RFX7: variants seen among roughly 807,000 people sequenced by gnomAD.
RFX7 encodes regulatory factor X7, also known as DNA-binding protein RFX7.
Under a neutral mutation model 111.8 loss-of-function variants are expected in RFX7, and 26 were observed. The observed-to-expected ratio is 0.23, with a 90% CI of 0.17 to 0.32. The LOEUF is 0.32. Among genes scored for constraint, RFX7 ranks in the 10% least tolerant of loss-of-function variants. The probability of loss-of-function intolerance (pLI) is 1.00; values close to 1 mark genes in which losing one functional copy is unlikely to be tolerated. For missense variants in RFX7, 1,573 were observed against 1,772.9 expected (o/e 0.89, Z 2.02); for synonymous variants, 624 against 624.4 (o/e 1.00, Z 0.01).
At chr15:56,234,835 T>C (rs1488813826) in intron 2 of RFX7, among the ~76,000 whole-genome samples, 1 of 152,230 alleles carries the variant, frequency 6.6e-6, no homozygotes. Flanking sequence ...CAACTTTACA[T>C]ATTAGAAAAT....
At chr15:56,152,552 A>C (rs951974202) in intron 3 of RFX7, among the ~76,000 whole-genome samples, 1 of 152,238 alleles carries the variant, frequency 6.6e-6, no homozygotes, top group Non-Finnish European at 1.5e-5. Flanking sequence ...CATTTAAAGC[A>C]GTGTTTAGAG....
intron 2 of RFX7, among the ~76,000 whole-genome samples, chr15:56,188,310 G>A (rs1169693670): frequency 6.6e-6 from 1 of 152,052 alleles, no homozygotes; most frequent in Non-Finnish European, 1.5e-5. Context: ...GAAATTTAAA[G>A]TGCAATATCA....
intron 5 of RFX7, among the ~76,000 whole-genome samples, chr15:56,140,775 A>T (rs1360484286): frequency 6.6e-6 from 1 of 152,254 alleles, no homozygotes; most frequent in East Asian, 1.9e-4. Flanking sequence ...TTAGAAAAAA[A>T]ATCATAAGAA....
chr15:56,243,068 C>CCT, intron 2 of RFX7, 57 bp downstream of exon 2: 3 of 1,245,080 alleles, frequency 2.4e-6, no homozygotes, highest in Admixed American at 2.2e-5. Flanking sequence ...CCCCCACCCA[C>CCT]TTTGCAGCAG....
At chr15:56,224,728 T>A (rs2043463948) in intron 2 of RFX7, among the ~76,000 whole-genome samples, 3 of 152,106 alleles carry the variant, frequency 2.0e-5, no homozygotes, top group South Asian at 4.1e-4. Context: ...AACTTCTATT[T>A]TCACTTGTTT....
chr15:56,117,348 G>T (rs2042021648), intron 5 of RFX7, among the ~76,000 whole-genome samples: 1 of 152,022 alleles, frequency 6.6e-6, no homozygotes, highest in African/African-American at 2.4e-5. Context: ...TCATGTAGAG[G>T]AAAGAATATG....
At chr15:56,159,724 T>C (rs767197302) in intron 3 of RFX7, among the ~76,000 whole-genome samples, 16 of 152,206 alleles carry the variant, frequency 1.1e-4, no homozygotes, top group Admixed American at 4.6e-4. Flanking sequence ...TCGGTGTTCC[T>C]GTTTGCTCCG....
chr15:56,121,754 C>CA (rs1192870412), intron 5 of RFX7, among the ~76,000 whole-genome samples: 2 of 151,962 alleles, frequency 1.3e-5, no homozygotes, highest in Non-Finnish European at 2.9e-5. Flanking sequence ...TGTGTATGTT[C>CA]AAATAACCTG....
At chr15:56,117,028 G>C (rs547637869) in intron 5 of RFX7, among the ~76,000 whole-genome samples, 2 of 152,288 alleles carry the variant, frequency 1.3e-5, no homozygotes, top group African/African-American at 4.8e-5. Context: ...CTGGTAAAGA[G>C]AGTGAGTGTA....
intron 3 of RFX7, among the ~76,000 whole-genome samples, chr15:56,167,096 T>A (rs963547376): frequency 6.6e-6 from 1 of 151,686 alleles, no homozygotes; most frequent in Non-Finnish European, 1.5e-5. Context: ...AGGCCAGGAG[T>A]TGATTCAAGA....
In RFX7 at chr15:56,088,133, A is replaced by G; in HGVS notation, c.*5212T>C. On this transcript the variant is annotated 3_prime_UTR_variant, in exon 10 of 10. Transcript: ENST00000559447. ...TAAATAAAGAACTCCACAAAAATCAAACTCAATTCTAAATTTAAAACCAGA... is the reference window on the plus strand; with the variant it reads ...TAAATAAAGAACTCCACAAAAATCAGACTCAATTCTAAATTTAAAACCAGA... 1.0e-5 allele frequency: 2 copies of G among 193,286 alleles called. No homozygotes were observed. Among genetic ancestry groups the G allele is most frequent in the South Asian group, 1.6e-4 (2 of 12,812 alleles). 12.0% of individuals were successfully genotyped at this position (193,286 alleles called of 1,614,324 possible).
chr15:56,163,792 A>G (rs2042752466), intron 3 of RFX7, among the ~76,000 whole-genome samples: 1 of 152,220 alleles, frequency 6.6e-6, no homozygotes, highest in Admixed American at 6.5e-5. Flanking sequence ...TGGCAGCTAA[A>G]GCAGGAACTG....
rs2041617856 is a variant in RFX7, at chr15:56,093,096, A to G, written c.*249T>C. The G allele has an allele frequency of 9.7e-6, 4 of 410,816 alleles. No homozygotes were observed. Among genetic ancestry groups the G allele is most frequent in the South Asian group, 6.1e-5 (1 of 16,400 alleles). 25.4% of individuals were successfully genotyped at this position (410,816 alleles called of 1,614,324 possible). On this transcript the variant is annotated 3_prime_UTR_variant, in exon 10 of 10. Coordinates refer to ENST00000559447, the MANE Select transcript of RFX7 (RefSeq NM_022841.7). ...TCTTGTAACAGCTGGATAGTCAATCAATGTGAATAAATGGGGCACATTATA... is the reference window on the plus strand; with the variant it reads ...TCTTGTAACAGCTGGATAGTCAATCGATGTGAATAAATGGGGCACATTATA...
intron 2 of RFX7, among the ~76,000 whole-genome samples, chr15:56,182,708 T>C (rs1274711175): frequency 2.0e-5 from 3 of 152,154 alleles, no homozygotes; most frequent in Admixed American, 1.3e-4. Context: ...AATTATCCCA[T>C]TGAATGAATA....
At chr15:56,222,140 A>T (rs1278222104) in intron 2 of RFX7, among the ~76,000 whole-genome samples, 1 of 152,156 alleles carries the variant, frequency 6.6e-6, no homozygotes, top group Admixed American at 6.5e-5. Flanking sequence ...GTTTGATTTA[A>T]ATTTCCAGAT....
rs1399920369 is a variant in RFX7, at chr15:56,093,216, C to T, written c.*129G>A. ...GTCTAACCATTTCCTACTGAAGAAACCACTTCTGCAGCAAACGCTTTTAAA... is the reference window on the plus strand; with the variant it reads ...GTCTAACCATTTCCTACTGAAGAAATCACTTCTGCAGCAAACGCTTTTAAA... On this transcript the variant is annotated 3_prime_UTR_variant, in exon 10 of 10. Transcript: ENST00000559447. 1.2e-6 allele frequency: 1 copy of T among 830,798 alleles called. No individual in the cohort carries two copies. The highest frequency in any genetic ancestry group is 1.7e-5 in the African/African-American group (1 of 58,040). 51.5% of individuals were successfully genotyped at this position (830,798 alleles called of 1,614,324 possible).
At chr15:56,115,897 G>A (rs1272808014) in intron 5 of RFX7, among the ~76,000 whole-genome samples, 3 of 151,288 alleles carry the variant, frequency 2.0e-5, no homozygotes, top group Non-Finnish European at 4.4e-5. Context: ...AGCCGAGATC[G>A]TGCCACTGCA....
intron 3 of RFX7, among the ~76,000 whole-genome samples, chr15:56,160,149 T>C (rs2042703685): frequency 6.6e-6 from 1 of 152,154 alleles, no homozygotes; most frequent in Non-Finnish European, 1.5e-5. Context: ...AGGAGCTTTC[T>C]TGCAAATCCT....
Position 56,142,890 on chromosome 15 carries a change from C to G in RFX7, c.289G>C (p.Ala97Pro). The change falls in exon 5 of 10, where the codon GCC becomes CCC. Residue 97 changes from alanine (A) to proline (P), a missense_variant. Coordinates refer to ENST00000559447, the MANE Select transcript of RFX7 (RefSeq NM_022841.7). Reference protein sequence around the residue: ...LSNGEKSDQNAMSSSRAQQMH... With the variant: ...LSNGEKSDQNPMSSSRAQQMH... ...TGTTGTGCCCGACTAGATGACATGG[C>G]ATTCTGATCACTAATAGAATGAAAA... 1 of 1,613,492 alleles carries G rather than the reference C, an allele frequency of 6.2e-7. No homozygotes were observed. The highest frequency in any genetic ancestry group is 8.5e-7 in the Non-Finnish European group (1 of 1,179,650).
Sources: allele counts gnomAD v4.1 joint callset (sites outside exome capture counted in the v4.1 genomes callset), GRCh38; gene constraint gnomAD v4.1.1; transcripts MANE v1.5; gene names NCBI Gene and HGNC (gene_info 2026-07-23, HGNC 2026-07-21).